The following HUWE1 variants were observed in gnomAD, a reference collection of about 807,000 sequenced individuals.
HUWE1 encodes the protein E3 ubiquitin-protein ligase HUWE1.
HUWE1 carries 18 observed loss-of-function variants against 299.4 expected under a neutral mutation model. The ratio of observed to expected loss-of-function variants is 0.06; its 90% CI spans 0.04 to 0.09. The LOEUF is 0.09. Ranked by LOEUF, HUWE1 falls within the 10% of genes least tolerant of loss-of-function variation. The pLI, the probability that HUWE1 is intolerant of heterozygous loss-of-function variation, is 1.00. For synonymous variants in HUWE1, 1,317 were observed against 1,286.1 expected (o/e 1.02, Z -0.51); for missense variants, 1,832 against 3,462.3 (o/e 0.53, Z 11.82).
chrX:53,535,922 GTTTTTTTTTT>G, intron 80 of HUWE1: 1 of 172,669 alleles, frequency 5.8e-6, no homozygotes. Flanking sequence ...ATGTACTGGA[GTTTTTTTTTT>G]TTTTTTTTTT....
intron 4 of HUWE1, among the ~76,000 whole-genome samples, chrX:53,651,892 T>G (rs1467407674): frequency 9.0e-6 from 1 of 111,689 alleles, no homozygotes; most frequent in African/African-American, 3.3e-5. Flanking sequence ...CATGCACTAT[T>G]TGTCCCTCTG....
At chrX:53,673,531 A>C (rs1372609798) in intron 3 of HUWE1, among the ~76,000 whole-genome samples, 1 of 111,919 alleles carries the variant, frequency 8.9e-6, no homozygotes, top group Non-Finnish European at 1.9e-5. Flanking sequence ...ATTGTGCAGT[A>C]GTGAAGTCTA....
At position 53,534,780 on chromosome X, in the gene HUWE1, A is replaced by G. The variant is rs1233266771; in HGVS notation, c.12650-83T>C. ...GAGATCCCCCATCTGGCTCCCATCT[A>G]CCACTGTTAGCTGGGACTACAGGCA... On this transcript the variant is annotated intron_variant, in intron 81 of 83. Transcript: ENST00000262854. The G allele has an allele frequency of 1.6e-5, 14 of 874,884 alleles. No homozygotes were observed. In the Admixed American group the frequency reaches 3.6e-4, roughly 23 times the overall value. 72.1% of individuals were successfully genotyped at this position (874,884 alleles called of 1,213,427 possible).
intron 23 of HUWE1, among the ~76,000 whole-genome samples, chrX:53,610,390 C>A (rs1192189251): frequency 4.5e-5 from 5 of 111,791 alleles, no homozygotes; most frequent in Non-Finnish European, 9.4e-5. Context: ...TCTCCTTCCC[C>A]TCATCTTTTG....
intron 3 of HUWE1, among the ~76,000 whole-genome samples, chrX:53,659,374 A>C: frequency 8.9e-6 from 1 of 112,441 alleles, no homozygotes; most frequent in East Asian, 2.8e-4. Context: ...AAAAGAAACG[A>C]GCTATCAAGC....
At chrX:53,604,441 G>C (rs2065052046) in intron 26 of HUWE1, 148 bp downstream of exon 26, 1 of 608,010 alleles carries the variant, frequency 1.6e-6, no homozygotes, top group Non-Finnish European at 2.6e-6. Context: ...CTTTTTGACA[G>C]TCAAAAAAAT....
At chrX:53,583,318 A>G (rs782707657) in intron 42 of HUWE1, among the ~76,000 whole-genome samples, 2 of 109,603 alleles carry the variant, frequency 1.8e-5, no homozygotes, top group South Asian at 8.0e-4. Context: ...AAAAAAAAAA[A>G]GAAAAAAAGA....
At chrX:53,684,107 G>C (rs1281102779) in intron 2 of HUWE1, 2 of 265,202 alleles carry the variant, frequency 7.5e-6, no homozygotes, top group Admixed American at 6.5e-5. Context: ...AGTAGCTACA[G>C]CTTCACCCTA....
intron 2 of HUWE1, chrX:53,683,742 G>A (rs935767176): frequency 5.4e-5 from 15 of 279,382 alleles, no homozygotes; most frequent in Non-Finnish European, 8.2e-5. Flanking sequence ...GCACCTCAGA[G>A]GCGTCATAAA....
intron 13 of HUWE1, 99 bp downstream of exon 13, chrX:53,629,417 A>C: frequency 5.4e-6 from 3 of 552,227 alleles, no homozygotes; most frequent in Non-Finnish European, 9.7e-6. Context: ...CATTATGTAT[A>C]TGCAAATATC....
At chrX:53,682,226 T>A (rs1311840815) in intron 2 of HUWE1, among the ~76,000 whole-genome samples, 2 of 111,987 alleles carry the variant, frequency 1.8e-5, no homozygotes, top group Admixed American at 9.5e-5. Context: ...TTTTAACTAA[T>A]TCTAGCAACA....
intron 49 of HUWE1, 89 bp from the exon 50 acceptor site, chrX:53,565,328 T>G: frequency 1.2e-6 from 1 of 846,292 alleles, no homozygotes; most frequent in Non-Finnish European, 1.7e-6. Context: ...TACAATGGAA[T>G]CTACTAAGAG....
At chrX:53,636,579 C>G (rs1289433024) in intron 7 of HUWE1, among the ~76,000 whole-genome samples, 1 of 111,163 alleles carries the variant, frequency 9.0e-6, no homozygotes, top group Non-Finnish European at 1.9e-5. Context: ...CAAAATTAGC[C>G]AGGCATGTGG....
At chrX:53,601,984 TATC>T (rs1227285101) in intron 28 of HUWE1, among the ~76,000 whole-genome samples, 2 of 111,572 alleles carry the variant, frequency 1.8e-5, no homozygotes, top group East Asian at 5.6e-4. Context: ...TTGGAATTTT[TATC>T]ATGAGATAAT....
chrX:53,594,198 A>G (rs1188082067), intron 31 of HUWE1, among the ~76,000 whole-genome samples: 1 of 112,448 alleles, frequency 8.9e-6, no homozygotes, highest in Non-Finnish European at 1.9e-5. Context: ...GAAAAATTAT[A>G]TTCAGAGAAA....
At chrX:53,621,910 T>G (rs952171362) in intron 19 of HUWE1, among the ~76,000 whole-genome samples, 4 of 111,926 alleles carry the variant, frequency 3.6e-5, no homozygotes, top group African/African-American at 1.3e-4. Context: ...GACGTTAGCA[T>G]AGGCTACAAA....
chrX:53,639,940 T>G (rs1297536413), intron 7 of HUWE1, among the ~76,000 whole-genome samples: 1 of 112,732 alleles, frequency 8.9e-6, no homozygotes, highest in Non-Finnish European at 1.9e-5. Flanking sequence ...TAATATTTGT[T>G]GGCAAAAGTA....
intron 70 of HUWE1, among the ~76,000 whole-genome samples, chrX:53,545,444 T>C (rs1482874054): frequency 2.7e-5 from 3 of 111,578 alleles, no homozygotes; most frequent in Non-Finnish European, 3.8e-5. Context: ...CAGACCATGG[T>C]TGAAATCCCA....
chrX:53,545,706 T>C (rs1457484934), intron 70 of HUWE1, among the ~76,000 whole-genome samples: 1 of 111,439 alleles, frequency 9.0e-6, no homozygotes, highest in Non-Finnish European at 1.9e-5. Flanking sequence ...AACGTTGTAA[T>C]TTTCATGCAG....
Sources: gnomAD v4.1 joint callset for allele counts (sites outside exome capture counted in the v4.1 genomes callset) on GRCh38, gnomAD v4.1.1 for gene constraint, MANE v1.5 for transcripts, NCBI Gene and HGNC (gene_info 2026-07-23, HGNC 2026-07-21) for gene names.